ST8SIA4: variants seen among roughly 807,000 people sequenced by gnomAD.
The protein encoded by ST8SIA4 is ST8 alpha-N-acetyl-neuraminide alpha-2,8-sialyltransferase 4.
Under a neutral mutation model 33.9 loss-of-function variants are expected in ST8SIA4, and 15 were observed. That is an observed-to-expected ratio of 0.44 (90% confidence interval 0.30 to 0.68). ST8SIA4 has a LOEUF of 0.68. Among genes scored for constraint, ST8SIA4 ranks in the 30% least tolerant of loss-of-function variants. The probability of loss-of-function intolerance (pLI) is 0.10; values close to 1 mark genes in which losing one functional copy is unlikely to be tolerated. For missense variants in ST8SIA4, 321 were observed against 428.0 expected (o/e 0.75, Z 2.21); for synonymous variants, 171 against 151.2 (o/e 1.13, Z -0.96).
intron 4 of ST8SIA4, among the ~76,000 whole-genome samples, chr5:100,827,831 A>G (rs1205491840): frequency 2.0e-5 from 3 of 152,224 alleles, no homozygotes. Flanking sequence ...CATTCACAGC[A>G]ACAATCTACG....
At chr5:100,832,517 G>A (rs1410249552) in intron 4 of ST8SIA4, among the ~76,000 whole-genome samples, 2 of 152,082 alleles carry the variant, frequency 1.3e-5, no homozygotes, top group Non-Finnish European at 2.9e-5. Flanking sequence ...TATTTTCAAA[G>A]TATGACTCTC....
chr5:100,890,801 T>C (rs1752644312), intron 2 of ST8SIA4: 2 of 151,936 alleles, frequency 1.3e-5, no homozygotes. Context: ...TGAAAATCTG[T>C]TTCATTTTCA....
At chr5:100,843,954 C>T (rs1313963227) in intron 4 of ST8SIA4, among the ~76,000 whole-genome samples, 2 of 151,812 alleles carry the variant, frequency 1.3e-5, no homozygotes, top group Non-Finnish European at 2.9e-5. Flanking sequence ...AGGTGGTGCT[C>T]ATTGAGACGT....
At chr5:100,854,354 TG>T (rs1207351792) in intron 4 of ST8SIA4, among the ~76,000 whole-genome samples, 1 of 151,450 alleles carries the variant, frequency 6.6e-6, no homozygotes, top group Non-Finnish European at 1.5e-5. Flanking sequence ...GAGGCCGAGG[TG>T]GGTGGATCAC....
chr5:100,849,355 T>C lies in ST8SIA4; in HGVS notation c.797+6748A>G, dbSNP rs1436165142. 6.1e-6 allele frequency: 6 copies of C among 985,312 alleles called. No individual in the cohort carries two copies. In the African/African-American group the frequency reaches 8.7e-5, roughly 14 times the overall value. 61.0% of individuals were successfully genotyped at this position (985,312 alleles called of 1,614,324 possible). ...TAGGAAAGGTTTGTTTTCGTCTTCCTTGGAAATCAAATTTCTGCGTAATTC... is the reference window on the plus strand; with the variant it reads ...TAGGAAAGGTTTGTTTTCGTCTTCCCTGGAAATCAAATTTCTGCGTAATTC... On this transcript the variant is annotated intron_variant, in intron 4 of 4. Transcript: ENST00000231461.
chr5:100,865,314 T>A (rs895661237), intron 3 of ST8SIA4, among the ~76,000 whole-genome samples: 1 of 152,152 alleles, frequency 6.6e-6, no homozygotes, highest in African/African-American at 2.4e-5. Context: ...TAACAAGAAA[T>A]TGTCAGATAC....
chr5:100,862,181 A>G (rs1561398095), intron 3 of ST8SIA4, among the ~76,000 whole-genome samples: 1 of 152,148 alleles, frequency 6.6e-6, no homozygotes, highest in African/African-American at 2.4e-5. Context: ...TATTTTAAAT[A>G]TTAGATGAAA....
At chr5:100,851,235 A>G (rs1751692575) in intron 4 of ST8SIA4, among the ~76,000 whole-genome samples, 1 of 152,056 alleles carries the variant, frequency 6.6e-6, no homozygotes, top group South Asian at 2.1e-4. Context: ...TGATGGGATT[A>G]CAGGCATAAG....
At chr5:100,843,515 T>C (rs1247396707) in intron 4 of ST8SIA4, among the ~76,000 whole-genome samples, 3 of 151,918 alleles carry the variant, frequency 2.0e-5, no homozygotes, top group Non-Finnish European at 4.4e-5. Flanking sequence ...GCATTCGACT[T>C]GTATTCTCAC....
rs1484071356 is a variant in ST8SIA4 at position 100,811,578 on chromosome 5, T to C, written c.*269A>G. ...TTGTTAACTAATGATGAGTGCACTG[T>C]TGGATCTTGTAAACACTACTGATTA... On this transcript the variant is annotated 3_prime_UTR_variant, in exon 5 of 5. Coordinates refer to ENST00000231461, the MANE Select transcript of ST8SIA4 (RefSeq NM_005668.6). 2.8e-6 allele frequency: 1 copy of C among 362,832 alleles called. No individual in the cohort carries two copies. 22.5% of individuals were successfully genotyped at this position (362,832 alleles called of 1,614,324 possible).
At chr5:100,816,478 A>C (rs756723502) in intron 4 of ST8SIA4, 1 of 519,092 alleles carries the variant, frequency 1.9e-6, no homozygotes, top group South Asian at 1.5e-5. Context: ...CTAAAAGTTT[A>C]GAAGTATTAC....
At chr5:100,898,942 T>A (rs530612644) in intron 1 of ST8SIA4, among the ~76,000 whole-genome samples, 3 of 152,316 alleles carry the variant, frequency 2.0e-5, no homozygotes, top group Non-Finnish European at 2.9e-5. Flanking sequence ...CTTATTTGGA[T>A]CAAAGAAAAA....
chr5:100,900,561 T>A, intron 1 of ST8SIA4: 2 of 452,960 alleles, frequency 4.4e-6, no homozygotes, highest in South Asian at 3.1e-5. Context: ...GGAGCCTAGC[T>A]GCCCTCGCAT....
At chr5:100,829,640 T>C (rs1224331826) in intron 4 of ST8SIA4, among the ~76,000 whole-genome samples, 4 of 152,204 alleles carry the variant, frequency 2.6e-5, no homozygotes, top group African/African-American at 9.6e-5. Context: ...CCGGGCGCGA[T>C]GGCTCACACC....
chr5:100,859,631 C>G (rs917006717), intron 3 of ST8SIA4, among the ~76,000 whole-genome samples: 3 of 152,096 alleles, frequency 2.0e-5, no homozygotes, highest in Admixed American at 2.0e-4. Context: ...GAATTTTCTT[C>G]CATGATTTCA....
chr5:100,829,990 T>C (rs551267416), intron 4 of ST8SIA4, among the ~76,000 whole-genome samples: 10 of 152,276 alleles, frequency 6.6e-5, no homozygotes, highest in African/African-American at 2.2e-4. Context: ...TTCCAAAGCA[T>C]AATTAAACAA....
intron 4 of ST8SIA4, among the ~76,000 whole-genome samples, chr5:100,831,634 A>G (rs753009392): frequency 9.9e-5 from 15 of 152,142 alleles, no homozygotes; most frequent in Non-Finnish European, 5.9e-5. Flanking sequence ...CTTCTTCAGC[A>G]TATTTTCTCA....
intron 3 of ST8SIA4, among the ~76,000 whole-genome samples, chr5:100,863,684 T>C (rs1264405667): frequency 6.6e-6 from 1 of 152,170 alleles, no homozygotes; most frequent in African/African-American, 2.4e-5. Flanking sequence ...TTGAAATAAA[T>C]AATAAGAGGA....
At chr5:100,862,152 G>A (rs1235796916) in intron 3 of ST8SIA4, among the ~76,000 whole-genome samples, 2 of 152,120 alleles carry the variant, frequency 1.3e-5, no homozygotes, top group Non-Finnish European at 2.9e-5. Context: ...TTGAATGACT[G>A]ATGGGGCCAG....
Sources: gnomAD v4.1 joint callset for allele counts (sites outside exome capture counted in the v4.1 genomes callset) on GRCh38, gnomAD v4.1.1 for gene constraint, MANE v1.5 for transcripts, NCBI Gene and HGNC (gene_info 2026-07-23, HGNC 2026-07-21) for gene names.